The following PALLD variants were observed in gnomAD, a reference collection of about 807,000 sequenced individuals.
The protein encoded by PALLD is palladin.
A neutral mutation model predicts 123.5 loss-of-function variants in PALLD; 61 were observed. The observed-to-expected ratio is 0.49, with a 90% CI of 0.40 to 0.61. The LOEUF (loss-of-function observed/expected upper bound fraction) is 0.61. Ranked by LOEUF, PALLD falls within the 20% of genes least tolerant of loss-of-function variation. PALLD has a pLI of 0.00. For missense variants in PALLD, 1,273 were observed against 1,377.0 expected (o/e 0.92, Z 1.20); for synonymous variants, 465 against 496.4 (o/e 0.94, Z 0.84).
intron 10 of PALLD, among the ~76,000 whole-genome samples, chr4:168,858,744 C>T (rs912939997): frequency 6.6e-6 from 1 of 151,302 alleles, no homozygotes; most frequent in Non-Finnish European, 1.5e-5. Flanking sequence ...ATAGTGCCAC[C>T]GCACTCCAAC....
At chr4:168,904,640 A>G (rs1757237508) in intron 15 of PALLD, among the ~76,000 whole-genome samples, 1 of 152,148 alleles carries the variant, frequency 6.6e-6, no homozygotes, top group Non-Finnish European at 1.5e-5. Context: ...GTTTTACTAA[A>G]GTCTGCAAAA....
In PALLD at chr4:168,681,409, A is replaced by G. The variant is rs113570116; in HGVS notation, c.1154+11A>G. 4.4e-5 allele frequency: 68 copies of G among 1,540,256 alleles called. 2 individuals carry two copies. In the African/African-American group the frequency reaches 5.6e-4, roughly 13 times the overall value. ...TGGAGCTATGCCACAGTAAGTGCCT[A>G]CAATTCCATCGATTATGTGGAAACA... On this transcript the variant is annotated intron_variant, in intron 4 of 21. Coordinates refer to ENST00000505667, the MANE Select transcript of PALLD (RefSeq NM_001166108.2).
chr4:168,893,659 C>G (rs1754517236), intron 11 of PALLD, among the ~76,000 whole-genome samples: 1 of 152,164 alleles, frequency 6.6e-6, no homozygotes. Context: ...CAGGTGGTAT[C>G]TGAAAGTTCC....
At chr4:168,894,329 G>A (rs780646725) in intron 11 of PALLD, 24 of 498,026 alleles carry the variant, frequency 4.8e-5, no homozygotes, top group South Asian at 2.8e-4. Context: ...CTTCCTTGTC[G>A]CTTATTGCTC....
intron 6 of PALLD, among the ~76,000 whole-genome samples, chr4:168,687,748 G>T (rs1012649458): frequency 6.6e-6 from 1 of 152,110 alleles, no homozygotes; most frequent in Non-Finnish European, 1.5e-5. Context: ...TCCAGCTCCC[G>T]CAACATAGAC....
At chr4:168,695,916 A>G (rs1436413812) in intron 8 of PALLD, among the ~76,000 whole-genome samples, 2 of 152,160 alleles carry the variant, frequency 1.3e-5, no homozygotes, top group South Asian at 2.1e-4. Flanking sequence ...ATGAACCAAG[A>G]AAGTTTGTTT....
chr4:168,681,894 C>T (rs1295169391), intron 4 of PALLD, among the ~76,000 whole-genome samples: 2 of 152,090 alleles, frequency 1.3e-5, no homozygotes, highest in African/African-American at 2.4e-5. Context: ...TTGAAGTCTG[C>T]ATTTCATCAT....
Position 168,739,622 on chromosome 4 carries a change from A to T in PALLD, c.1964+27699A>T, listed in dbSNP as rs116453351. Among the ~76,000 whole-genome samples the T allele has an allele frequency of 4.3e-3, 655 of 152,346 alleles. 1 individual carries two copies. Among genetic ancestry groups the T allele is most frequent in the African/African-American group, 0.015 (607 of 41,574 alleles). ...ACTTGAGCTGATGAATACTCTAAAT[A>T]CCCAGACTTGATCCTTACACATTCT... On this transcript the variant is annotated intron_variant, in intron 10 of 21. Transcript: ENST00000505667.
chr4:168,730,146 C>T (rs1019518477), intron 10 of PALLD, among the ~76,000 whole-genome samples: 1 of 152,064 alleles, frequency 6.6e-6, no homozygotes, highest in Admixed American at 6.6e-5. Context: ...CTTTGTGAAA[C>T]TTGTATTATT....
At chr4:168,663,149 G>A (rs1779286704) in intron 2 of PALLD, among the ~76,000 whole-genome samples, 2 of 152,324 alleles carry the variant, frequency 1.3e-5, no homozygotes, top group African/African-American at 2.4e-5. Flanking sequence ...GTTTGAAAAT[G>A]TAGGTTTGAC....
intron 2 of PALLD, among the ~76,000 whole-genome samples, chr4:168,513,693 G>A (rs1318719790): frequency 6.6e-6 from 1 of 152,056 alleles, no homozygotes; most frequent in Non-Finnish European, 1.5e-5. Context: ...ATTTTATATG[G>A]CAAAATGAAA....
intron 10 of PALLD, among the ~76,000 whole-genome samples, chr4:168,853,750 G>C (rs1016759046): frequency 1.3e-5 from 2 of 152,184 alleles, no homozygotes; most frequent in East Asian, 3.9e-4. Context: ...TTGATCCCAA[G>C]AGCAAGCGAA....
At chr4:168,726,571 C>T (rs1377076419) in intron 10 of PALLD, among the ~76,000 whole-genome samples, 3 of 151,786 alleles carry the variant, frequency 2.0e-5, no homozygotes, top group Non-Finnish European at 4.4e-5. Context: ...TTTGTAGAGA[C>T]AGGGTCTTGC....
intron 2 of PALLD, among the ~76,000 whole-genome samples, chr4:168,607,429 A>C (rs187202318): frequency 3.3e-5 from 5 of 152,306 alleles, no homozygotes; most frequent in African/African-American, 1.2e-4. Context: ...CGACTCATGT[A>C]ATTTTGGCAC....
At chr4:168,921,074 A>AAAG (rs1761385472) in intron 17 of PALLD, among the ~76,000 whole-genome samples, 1 of 152,120 alleles carries the variant, frequency 6.6e-6, no homozygotes, top group Non-Finnish European at 1.5e-5. Context: ...GTTTAAAGCA[A>AAAG]AAGTTTTAAG....
chr4:168,625,213 TA>T (rs752034080), intron 2 of PALLD, among the ~76,000 whole-genome samples: 4 of 150,174 alleles, frequency 2.7e-5, no homozygotes, highest in South Asian at 2.1e-4. Context: ...GCACCCAAAC[TA>T]AAAAAAAATC....
intron 15 of PALLD, among the ~76,000 whole-genome samples, chr4:168,905,323 T>A (rs2151321769): frequency 6.6e-6 from 1 of 151,078 alleles, no homozygotes; most frequent in African/African-American, 2.4e-5. Flanking sequence ...AATTTTTTTT[T>A]ATTTTTAGTA....
At position 168,886,914 on chromosome 4, in the gene PALLD, C is replaced by T. The variant is rs1056278685; in HGVS notation, c.1965-4008C>T. On this transcript the variant is annotated intron_variant, in intron 10 of 21. Transcript: ENST00000505667. ...CGGGCGGATCACGAGGTCAGGAGTT[C>T]GAGACCAGCCTGACCAACATGGTGA... 8.6e-5 allele frequency among the ~76,000 whole-genome samples: 13 copies of T among 151,296 alleles called. 1 individual carries two copies. Among genetic ancestry groups the T allele is most frequent in the Admixed American group, 3.3e-4 (5 of 15,202 alleles).
Position 168,515,611 on chromosome 4 carries a change from A to G in PALLD, c.908+3199A>G, listed in dbSNP as rs138341218. 1.9e-3 allele frequency among the ~76,000 whole-genome samples: 282 copies of G among 152,326 alleles called. 1 individual carries two copies. Among genetic ancestry groups the G allele is most frequent in the African/African-American group, 6.4e-3 (265 of 41,584 alleles). On this transcript the variant is annotated intron_variant, in intron 2 of 21. Transcript: ENST00000505667. ...TGCCAAGAAGCTTGGCGGTTGGCCA[A>G]TGGAAAGGTCCAGGCTGACTTATAG...
Sources: allele counts gnomAD v4.1 joint callset (sites outside exome capture counted in the v4.1 genomes callset), GRCh38; gene constraint gnomAD v4.1.1; transcripts MANE v1.5; gene names NCBI Gene and HGNC (gene_info 2026-07-23, HGNC 2026-07-21).